The following GPC5 variants were observed in gnomAD, a reference collection of about 807,000 sequenced individuals.
GPC5 encodes the protein glypican 5, also known as glypican-5.
In GPC5, 47 loss-of-function variants were observed where a neutral mutation model predicts 53.9. The observed-to-expected ratio is 0.87, with a 90% CI of 0.69 to 1.11. The LOEUF (loss-of-function observed/expected upper bound fraction) is 1.11, where lower values mean the gene tolerates loss of function less well. Ranked by LOEUF, GPC5 falls within the 50% of genes most tolerant of loss-of-function variation. The pLI is 0.00. For missense variants in GPC5, 748 were observed against 713.1 expected, an observed-to-expected ratio of 1.05 and a Z score of -0.56; for synonymous variants, 286 against 263.3, an observed-to-expected ratio of 1.09 and a Z score of -0.84.
intron 2 of GPC5, among the ~76,000 whole-genome samples, chr13:91,568,977 T>C (rs1268678360): frequency 6.6e-6 from 1 of 152,162 alleles, no homozygotes; most frequent in South Asian, 2.1e-4. Flanking sequence ...TCTTAAACTC[T>C]TGACTTCAGG....
chr13:92,484,981 C>G (rs1879501583), intron 7 of GPC5, among the ~76,000 whole-genome samples: 1 of 152,122 alleles, frequency 6.6e-6, no homozygotes, highest in African/African-American at 2.4e-5. Flanking sequence ...AGTGATCCAC[C>G]TGCCTCGGCC....
At chr13:91,937,925 T>A (rs550770876) in intron 6 of GPC5, among the ~76,000 whole-genome samples, 1 of 152,004 alleles carries the variant, frequency 6.6e-6, no homozygotes, top group Non-Finnish European at 1.5e-5. Flanking sequence ...CTTATATTGG[T>A]AACACATCTG....
At chr13:91,912,241 A>C (rs2039616463) in intron 6 of GPC5, among the ~76,000 whole-genome samples, 1 of 152,154 alleles carries the variant, frequency 6.6e-6, no homozygotes, top group African/African-American at 2.4e-5. Context: ...ACTTTGTAAC[A>C]TTAATTTTTT....
intron 6 of GPC5, among the ~76,000 whole-genome samples, chr13:91,986,888 C>G (rs1015780283): frequency 2.8e-5 from 4 of 141,080 alleles, no homozygotes. Flanking sequence ...GAAGCCTCTG[C>G]TTTGCCAATG....
chr13:91,867,316 T>G (rs889588934), intron 5 of GPC5, among the ~76,000 whole-genome samples: 2 of 152,232 alleles, frequency 1.3e-5, no homozygotes, highest in African/African-American at 2.4e-5. Flanking sequence ...ACAGGGAATC[T>G]TCACCACTTA....
At chr13:91,763,316 A>G (rs1202238540) in intron 5 of GPC5, among the ~76,000 whole-genome samples, 1 of 152,062 alleles carries the variant, frequency 6.6e-6, no homozygotes, top group Non-Finnish European at 1.5e-5. Flanking sequence ...CATGGTACGC[A>G]CTTTCATGGA....
At chr13:91,920,924 CTCTTTTTTTTT>C (rs1365546049) in intron 6 of GPC5, among the ~76,000 whole-genome samples, 188 of 59,558 alleles carry the variant, frequency 3.2e-3, no homozygotes, top group Middle Eastern at 0.012. Flanking sequence ...CTCTCTCTCT[CTCTTTTTTTTT>C]TTTTTTTTTT....
At chr13:92,435,401 G>A (rs767472944) in intron 7 of GPC5, among the ~76,000 whole-genome samples, 3 of 152,022 alleles carry the variant, frequency 2.0e-5, no homozygotes, top group East Asian at 1.9e-4. Flanking sequence ...TCTATGGAAC[G>A]GTTTTCAAAA....
At chr13:92,208,343 T>A (rs1213810739) in intron 7 of GPC5, among the ~76,000 whole-genome samples, 2 of 152,200 alleles carry the variant, frequency 1.3e-5, no homozygotes, top group Non-Finnish European at 2.9e-5. Flanking sequence ...CTCCCAGACC[T>A]ATATGGGTGG....
intron 7 of GPC5, among the ~76,000 whole-genome samples, chr13:92,804,079 A>T (rs1460800165): frequency 1.3e-5 from 2 of 151,982 alleles, no homozygotes; most frequent in African/African-American, 4.8e-5. Flanking sequence ...ATCCACAGGG[A>T]TTCTTCGCAG....
rs138212569 is a variant in GPC5 at position 91,455,562 on chromosome 13, G to A, written c.325+6640G>A. Among the ~76,000 whole-genome samples the A allele has an allele frequency of 1.3e-3, 201 of 152,232 alleles. 1 individual carries two copies. Among genetic ancestry groups the A allele is most frequent in the African/African-American group, 4.4e-3 (184 of 41,556 alleles). ...TACACACTTAGAGGATGTATACCAT[G>A]TTGTATTTTGTATGTATTTAAAATT... On this transcript the variant is annotated intron_variant, in intron 2 of 7. Transcript: ENST00000377067.
At chr13:92,032,640 A>G (rs1054557573) in intron 6 of GPC5, among the ~76,000 whole-genome samples, 1 of 151,960 alleles carries the variant, frequency 6.6e-6, no homozygotes, top group African/African-American at 2.4e-5. Context: ...TTTTCTTACT[A>G]TGTATCTAAG....
At chr13:91,549,040 G>A (rs2030466723) in intron 2 of GPC5, among the ~76,000 whole-genome samples, 1 of 152,140 alleles carries the variant, frequency 6.6e-6, no homozygotes, top group Non-Finnish European at 1.5e-5. Context: ...GGAGGCCAAG[G>A]TGGTCGGATC....
chr13:91,896,498 G>C (rs959161648), intron 5 of GPC5, among the ~76,000 whole-genome samples: 1 of 152,170 alleles, frequency 6.6e-6, no homozygotes, highest in Non-Finnish European at 1.5e-5. Flanking sequence ...GAAAGGTTCC[G>C]AAGGGATAGA....
At chr13:92,489,602 G>T (rs1341531409) in intron 7 of GPC5, among the ~76,000 whole-genome samples, 3 of 152,100 alleles carry the variant, frequency 2.0e-5, no homozygotes, top group Non-Finnish European at 2.9e-5. Context: ...ACCTGAGGCA[G>T]GGCTGCTCTC....
chr13:92,299,242 G>T (rs901883587), intron 7 of GPC5, among the ~76,000 whole-genome samples: 7 of 152,030 alleles, frequency 4.6e-5, no homozygotes, highest in African/African-American at 1.7e-4. Context: ...GATTTTTAAA[G>T]ACATAGTTCA....
At chr13:91,802,837 TA>T (rs2038158167) in intron 5 of GPC5, among the ~76,000 whole-genome samples, 1 of 152,114 alleles carries the variant, frequency 6.6e-6, no homozygotes, top group South Asian at 2.1e-4. Flanking sequence ...ATGAATGCTT[TA>T]AATAAGTTAC....
intron 7 of GPC5, among the ~76,000 whole-genome samples, chr13:92,293,770 G>T (rs147006485): frequency 6.6e-6 from 1 of 152,054 alleles, no homozygotes; most frequent in Non-Finnish European, 1.5e-5. Flanking sequence ...TCTTGTTCCA[G>T]TTATCAGAGG....
At chr13:91,618,142 A>T (rs1015648904) in intron 2 of GPC5, among the ~76,000 whole-genome samples, 2 of 152,124 alleles carry the variant, frequency 1.3e-5, no homozygotes, top group African/African-American at 4.8e-5. Context: ...AGACATTAGA[A>T]GGGTGAATCA....
Sources: gnomAD v4.1 joint callset for allele counts (sites outside exome capture counted in the v4.1 genomes callset) on GRCh38, gnomAD v4.1.1 for gene constraint, MANE v1.5 for transcripts, NCBI Gene and HGNC (gene_info 2026-07-23, HGNC 2026-07-21) for gene names.